Variants in ASB17 observed in about 807,000 individuals in gnomAD.
ASB17 encodes ankyrin repeat and SOCS box containing 17.
A neutral mutation model predicts 25.7 loss-of-function variants in ASB17; 26 were observed. The observed-to-expected ratio is 1.01, with a 90% CI of 0.74 to 1.40. The LOEUF is 1.40. Ranked by LOEUF, ASB17 falls within the 40% of genes most tolerant of loss-of-function variation. The pLI is 0.00. For missense variants in ASB17, 326 were observed against 338.5 expected (o/e 0.96, Z 0.29); for synonymous variants, 128 against 121.4 (o/e 1.05, Z -0.36).
At chr1:75,925,933 C>CA (rs1347296460) in intron 1 of ASB17, among the ~76,000 whole-genome samples, 3 of 152,136 alleles carry the variant, frequency 2.0e-5, no homozygotes, top group Non-Finnish European at 4.4e-5. Flanking sequence ...CCAAGTTACC[C>CA]ATTCATCTCT....
At chr1:75,919,708 G>A (rs1019538531) in intron 2 of ASB17, among the ~76,000 whole-genome samples, 3 of 152,186 alleles carry the variant, frequency 2.0e-5, no homozygotes, top group East Asian at 1.9e-4. Context: ...CCTACAAAGG[G>A]CATGAACTCA....
chr1:75,919,250 A>G, intron 2 of ASB17, 92 bp from the exon 3 acceptor site: 1 of 885,538 alleles, frequency 1.1e-6, no homozygotes, highest in Non-Finnish European at 1.6e-6. Context: ...AAATTTAGAA[A>G]ATAGACCATA....
At chr1:75,920,213 A>G (rs1205290842) in intron 2 of ASB17, among the ~76,000 whole-genome samples, 9 of 152,250 alleles carry the variant, frequency 5.9e-5, no homozygotes, top group Middle Eastern at 3.2e-3. Context: ...CCAAATGAAA[A>G]GATGTCTTTT....
chr1:75,921,987 A>G (rs1216560474), intron 2 of ASB17, 93 bp downstream of exon 2: 1 of 1,129,768 alleles, frequency 8.9e-7, no homozygotes, highest in African/African-American at 1.6e-5. Context: ...GACATATTCT[A>G]TAAATTAAAA....
At chr1:75,930,326 A>T (rs1332085885) in intron 1 of ASB17, among the ~76,000 whole-genome samples, 1 of 146,828 alleles carries the variant, frequency 6.8e-6, no homozygotes, top group African/African-American at 2.5e-5. Context: ...ATATATAACT[A>T]CATATAAATA....
In ASB17 at chr1:75,922,253, C is replaced by T; in HGVS notation, c.508G>A (p.Gly170Arg). ...GGGTTTTTTTCTCTTTCTAAGATTCCATATTGCAGTAGTATTTTGAAGATA... is the reference window on the plus strand; with the variant it reads ...GGGTTTTTTTCTCTTTCTAAGATTCTATATTGCAGTAGTATTTTGAAGATA... ...SNIFKILLQY[G>R]ILEREKNPIN... is the part of the protein sequence containing the mutation. Residue 170 changes from glycine to arginine, a missense_variant, in exon 2 of 3, where the codon GGA becomes AGA. Gly to Arg is a moderately radical substitution (Grantham distance 125). Transcript: ENST00000284142. 3 of 1,613,152 alleles carry T rather than the reference C, an allele frequency of 1.9e-6. No homozygotes were observed. The highest frequency in any genetic ancestry group is 1.3e-5 in the African/African-American group (1 of 74,930).
At chr1:75,929,470 CAGCCTCCCAAAGTGCTG>C (rs1043498016) in intron 1 of ASB17, among the ~76,000 whole-genome samples, 4 of 152,028 alleles carry the variant, frequency 2.6e-5, no homozygotes, top group African/African-American at 4.8e-5. Flanking sequence ...CCGCCCGCCT[CAGCCTCCCAAAGTGCTG>C]GGATTACAGG....
chr1:75,921,547 G>T (rs138942069), intron 2 of ASB17, among the ~76,000 whole-genome samples: 2 of 152,162 alleles, frequency 1.3e-5, no homozygotes, highest in Non-Finnish European at 2.9e-5. Flanking sequence ...CTCTAAATTT[G>T]ATTTATTCCA....
chr1:75,922,382 A>G (rs1213724972), intron 1 of ASB17, 23 bp from the exon 2 acceptor site: 3 of 1,513,010 alleles, frequency 2.0e-6, no homozygotes, highest in Non-Finnish European at 2.7e-6. Flanking sequence ...CAAAACAAAA[A>G]CTCATTGGAT....
intron 1 of ASB17, among the ~76,000 whole-genome samples, chr1:75,928,696 G>T (rs1022532442): frequency 2.0e-5 from 3 of 152,192 alleles, no homozygotes; most frequent in African/African-American, 4.8e-5. Context: ...ACTTGGGCAG[G>T]GTTGGAGAAA....
chr1:75,920,455 A>T (rs961381970), intron 2 of ASB17, among the ~76,000 whole-genome samples: 3 of 152,338 alleles, frequency 2.0e-5, no homozygotes, highest in Middle Eastern at 3.4e-3. Context: ...GCTTGGGATA[A>T]TTTGCTAGGG....
rs1653007971 is a variant in ASB17 at position 75,920,897 on chromosome 1, C to T, written c.681+1183G>A. Among the ~76,000 whole-genome samples the T allele has an allele frequency of 2.6e-5, 4 of 152,192 alleles. No individual in the cohort carries two copies. In the South Asian group the frequency reaches 6.2e-4, roughly 24 times the overall value. On this transcript the variant is annotated intron_variant, in intron 2 of 2. Coordinates refer to ENST00000284142, the MANE Select transcript of ASB17 (RefSeq NM_080868.3). ...TCATGCCATTCTCCTGCCTCAGCCT[C>T]CCGAGTAGCTGGGACTACAGGCGCC...
At chr1:75,928,985 T>C (rs1653246686) in intron 1 of ASB17, among the ~76,000 whole-genome samples, 1 of 152,126 alleles carries the variant, frequency 6.6e-6, no homozygotes. Context: ...TTTGAGAAGA[T>C]GGTATTTATA....
At chr1:75,924,261 A>T (rs954857763) in intron 1 of ASB17, among the ~76,000 whole-genome samples, 1 of 152,158 alleles carries the variant, frequency 6.6e-6, no homozygotes, top group African/African-American at 2.4e-5. Flanking sequence ...ATTTTTGAAG[A>T]ATCTGACAAA....
intron 1 of ASB17, 129 bp from the exon 2 acceptor site, chr1:75,922,488 C>CTTTT (rs3037164): frequency 0.052 from 6,402 of 122,154 alleles, 867 homozygotes; most frequent in East Asian, 0.13. Flanking sequence ...TTATATGTTT[C>CTTTT]TTTTTTTTTT....
rs754012654 is a variant in ASB17, at chr1:75,932,203, G to T, written c.89C>A (p.Pro30His). ...CNLLDKIVKR[P>H]SLQFLGQWGY... ...CCACTGACCCAAAAACTGTAGGGAG[G>T]GTCTTTTAACAATTTTGTCAAGGAG... The change falls in exon 1 of 3, where the codon CCC becomes CAC. Residue 30 changes from proline (P) to histidine (H), a missense_variant. Coordinates refer to ENST00000284142, the MANE Select transcript of ASB17 (RefSeq NM_080868.3). 5.6e-6 allele frequency: 9 copies of T among 1,613,878 alleles called. No individual in the cohort carries two copies. Among genetic ancestry groups the T allele is most frequent in the Non-Finnish European group, 7.6e-6 (9 of 1,179,918 alleles).
At chr1:75,928,144 A>G (rs918465759) in intron 1 of ASB17, among the ~76,000 whole-genome samples, 1 of 152,070 alleles carries the variant, frequency 6.6e-6, no homozygotes, top group African/African-American at 2.4e-5. Context: ...CTCCTCCCTA[A>G]TGGTGTTAAC....
intron 1 of ASB17, among the ~76,000 whole-genome samples, chr1:75,927,147 G>A (rs942601023): frequency 5.9e-5 from 9 of 152,138 alleles, no homozygotes; most frequent in African/African-American, 2.2e-4. Context: ...GCTGGCAAAG[G>A]CAAGAAAACA....
chr1:75,921,952 G>A (rs552012913), intron 2 of ASB17, 128 bp downstream of exon 2: 4 of 740,896 alleles, frequency 5.4e-6, no homozygotes, highest in Non-Finnish European at 8.5e-6. Flanking sequence ...TTATTAATAG[G>A]CATATACTCA....
Sources: gnomAD v4.1 joint callset for allele counts (sites outside exome capture counted in the v4.1 genomes callset) on GRCh38, gnomAD v4.1.1 for gene constraint, MANE v1.5 for transcripts, NCBI Gene and HGNC (gene_info 2026-07-23, HGNC 2026-07-21) for gene names.